HAPLN1: variants seen among roughly 807,000 people sequenced by gnomAD.
HAPLN1 encodes the protein Cartilage link protein.
A neutral mutation model predicts 36.5 loss-of-function variants in HAPLN1; 13 were observed. The ratio of observed to expected loss-of-function variants is 0.36; its 90% CI spans 0.23 to 0.57. The LOEUF (loss-of-function observed/expected upper bound fraction) is 0.57. Among genes scored for constraint, HAPLN1 ranks in the 20% least tolerant of loss-of-function variants. The pLI is 0.83. For missense variants in HAPLN1, 407 were observed against 439.7 expected (o/e 0.93, Z 0.66); for synonymous variants, 202 against 169.8 (o/e 1.19, Z -1.48).
In HAPLN1 at chr5:83,639,884, T is replaced by C. The variant is rs1749631079; in HGVS notation, c.*1612A>G. ...TTGTCTGAATAATATATGATTATAG[T>C]TATGGTTTCATGGACTTCCAATTGT... On this transcript the variant is annotated 3_prime_UTR_variant, in exon 5 of 5. Coordinates refer to ENST00000274341, the MANE Select transcript of HAPLN1 (RefSeq NM_001884.4). 1 of 152,116 alleles carries C rather than the reference T, an allele frequency of 6.6e-6. No homozygotes were observed. Among genetic ancestry groups the C allele is most frequent in the African/African-American group, 2.4e-5 (1 of 41,460 alleles). 9.4% of individuals were successfully genotyped at this position (152,116 alleles called of 1,614,324 possible). A position where few individuals can be genotyped will look rare whatever the true frequency, so the allele number is the denominator to read the frequency against.
rs73769326 is a variant in HAPLN1 at position 83,664,170 on chromosome 5, C to T, written c.100+9254G>A. 6.5e-3 allele frequency among the ~76,000 whole-genome samples: 985 copies of T among 152,200 alleles called. 10 individuals are homozygous for T. Among genetic ancestry groups the T allele is most frequent in the African/African-American group, 0.021 (877 of 41,532 alleles). On this transcript the variant is annotated intron_variant, in intron 2 of 4. Coordinates refer to ENST00000274341, the MANE Select transcript of HAPLN1 (RefSeq NM_001884.4). ...TTCTTTCGGTTTGAAAGCATCAAGC[C>T]TATTCTAATCTCAGAGAATTTGCAT...
In HAPLN1 at chr5:83,644,572, G is replaced by A. The variant is rs753842207; in HGVS notation, c.566C>T (p.Ala189Val). Residue 189 changes from alanine to valine, a missense_variant, in exon 4 of 5, where the codon GCC becomes GTC. Coordinates refer to ENST00000274341, the MANE Select transcript of HAPLN1 (RefSeq NM_001884.4). ...GGCGTCGTACAGCTGGTCGAAGGAGGCGATCACAGCATCCTGGTCCAGACA... is the reference window on the plus strand; with the variant it reads ...GGCGTCGTACAGCTGGTCGAAGGAGACGATCACAGCATCCTGGTCCAGACA... ...QACLDQDAVI[A>V]SFDQLYDAWR... 2 of 1,596,436 alleles carry A rather than the reference G, an allele frequency of 1.3e-6. No individual in the cohort carries two copies. Among genetic ancestry groups the A allele is most frequent in the Non-Finnish European group, 1.7e-6 (2 of 1,172,082 alleles).
intron 1 of HAPLN1, among the ~76,000 whole-genome samples, chr5:83,718,347 G>A (rs1300876653): frequency 6.6e-6 from 1 of 152,184 alleles, no homozygotes; most frequent in Non-Finnish European, 1.5e-5. Context: ...GAGGGAGTCA[G>A]AGTATTTTAA....
At chr5:83,659,326 G>A (rs113179451) in intron 2 of HAPLN1, among the ~76,000 whole-genome samples, 2 of 152,098 alleles carry the variant, frequency 1.3e-5, no homozygotes, top group South Asian at 2.1e-4. Flanking sequence ...CTTTCACCTG[G>A]AAGTTTAAAC....
chr5:83,644,284 A>T, intron 4 of HAPLN1, 79 bp downstream of exon 4: 1 of 1,060,028 alleles, frequency 9.4e-7, no homozygotes, highest in Non-Finnish European at 1.2e-6. Flanking sequence ...TAAGAAGATA[A>T]GATTAAAAGC....
At position 83,709,684 on chromosome 5, in the gene HAPLN1, C is replaced by A. The variant is rs763009699; in HGVS notation, c.-27+11105G>T. ...TCAAGCCAGGTCACTAAGAACCTTG[C>A]AAATCACTTAAAATAATTTGGACCT... On this transcript the variant is annotated intron_variant, in intron 1 of 4. Transcript: ENST00000274341. Among the ~76,000 whole-genome samples the A allele has an allele frequency of 3.5e-4, 54 of 152,254 alleles. 1 individual carries two copies. Among genetic ancestry groups the A allele is most frequent in the Admixed American group, 5.2e-4 (8 of 15,296 alleles).
chr5:83,691,507 G>A (rs1202441535), intron 1 of HAPLN1, among the ~76,000 whole-genome samples: 3 of 151,928 alleles, frequency 2.0e-5, no homozygotes, highest in Admixed American at 6.6e-5. Flanking sequence ...ATCTTTACTC[G>A]CTAGTGGAGG....
chr5:83,657,145 G>A (rs1320789080), intron 2 of HAPLN1, among the ~76,000 whole-genome samples: 1 of 151,458 alleles, frequency 6.6e-6, no homozygotes, highest in Admixed American at 6.6e-5. Flanking sequence ...GCCCAGGCTG[G>A]AGTGCAATGG....
chr5:83,662,206 T>G (rs1244682899), intron 2 of HAPLN1, among the ~76,000 whole-genome samples: 1 of 152,152 alleles, frequency 6.6e-6, no homozygotes, highest in African/African-American at 2.4e-5. Context: ...CCCAGCTGGT[T>G]AACCATCTTT....
At chr5:83,646,803 C>A (rs1020346728) in intron 3 of HAPLN1, among the ~76,000 whole-genome samples, 1 of 152,208 alleles carries the variant, frequency 6.6e-6, no homozygotes, top group African/African-American at 2.4e-5. Flanking sequence ...TTATGGTGCC[C>A]TGGTCCCTCA....
chr5:83,688,572 C>A (rs2112616918), intron 1 of HAPLN1, among the ~76,000 whole-genome samples: 1 of 150,928 alleles, frequency 6.6e-6, no homozygotes, highest in Non-Finnish European at 1.5e-5. Context: ...TGGATGTTGA[C>A]CTCTTTTGTG....
chr5:83,703,120 C>A (rs912925182), intron 1 of HAPLN1, among the ~76,000 whole-genome samples: 2 of 152,144 alleles, frequency 1.3e-5, no homozygotes, highest in Non-Finnish European at 2.9e-5. Flanking sequence ...TGGACAGCCA[C>A]AGACATTATT....
chr5:83,709,554 T>C (rs1347986857), intron 1 of HAPLN1, among the ~76,000 whole-genome samples: 2 of 151,618 alleles, frequency 1.3e-5, no homozygotes, highest in Admixed American at 6.6e-5. Context: ...GTTGCAAGGG[T>C]ATGCTGCATG....
chr5:83,648,588 T>C (rs1021279129), intron 3 of HAPLN1, among the ~76,000 whole-genome samples: 2 of 151,720 alleles, frequency 1.3e-5, no homozygotes, highest in African/African-American at 4.8e-5. Context: ...AATTCTTTAG[T>C]GTAAATAGCA....
intron 1 of HAPLN1, among the ~76,000 whole-genome samples, chr5:83,691,756 A>G (rs1208702849): frequency 6.6e-6 from 1 of 151,822 alleles, no homozygotes; most frequent in East Asian, 1.9e-4. Context: ...TAATAATAGT[A>G]ATAATAATAA....
intron 1 of HAPLN1, among the ~76,000 whole-genome samples, chr5:83,676,726 G>A (rs765272382): frequency 6.6e-6 from 1 of 152,156 alleles, no homozygotes; most frequent in Non-Finnish European, 1.5e-5. Context: ...CTAAAATTTA[G>A]ACAATCGGGG....
chr5:83,648,642 C>T (rs1276689591), intron 3 of HAPLN1, among the ~76,000 whole-genome samples: 3 of 151,468 alleles, frequency 2.0e-5, no homozygotes, highest in South Asian at 2.1e-4. Flanking sequence ...AGATAATGTG[C>T]AATTACAGTT....
chr5:83,662,767 A>G (rs1286860636), intron 2 of HAPLN1, among the ~76,000 whole-genome samples: 2 of 152,184 alleles, frequency 1.3e-5, no homozygotes, highest in Non-Finnish European at 2.9e-5. Flanking sequence ...GCTCAACTCT[A>G]CTTGTCTCCA....
chr5:83,670,855 C>T (rs1017201753), intron 2 of HAPLN1, among the ~76,000 whole-genome samples: 14 of 151,946 alleles, frequency 9.2e-5, no homozygotes, highest in African/African-American at 1.5e-4. Context: ...CCACCACGCC[C>T]GGCTAATTTT....
Sources: gnomAD v4.1 joint callset for allele counts (sites outside exome capture counted in the v4.1 genomes callset) on GRCh38, gnomAD v4.1.1 for gene constraint, MANE v1.5 for transcripts, NCBI Gene and HGNC (gene_info 2026-07-23, HGNC 2026-07-21) for gene names.